The following DNAH8 variants were observed in gnomAD, a reference collection of about 807,000 sequenced individuals.
DNAH8 encodes dynein axonemal heavy chain 8, also known as axonemal beta dynein heavy chain 8.
DNAH8 carries 382 observed loss-of-function variants against 562.1 expected under a neutral mutation model. The ratio of observed to expected loss-of-function variants is 0.68; its 90% CI spans 0.63 to 0.74. The LOEUF is 0.74. Ranked by LOEUF, DNAH8 falls within the 30% of genes least tolerant of loss-of-function variation. DNAH8 has a pLI of 0.00. For missense variants in DNAH8, 5,203 were observed against 5,620.4 expected, an observed-to-expected ratio of 0.93 and a Z score of 2.37; for synonymous variants, 1,881 against 1,919.4, an observed-to-expected ratio of 0.98 and a Z score of 0.52.
chr6:38,733,974 T>TA lies in DNAH8; in HGVS notation c.611-486dup, dbSNP rs747665858. Among the ~76,000 whole-genome samples, 303 of 118,324 alleles carry TA rather than the reference T, an allele frequency of 2.6e-3. 1 individual carries two copies. Among genetic ancestry groups the TA allele is most frequent in the South Asian group, 3.3e-3 (12 of 3,692 alleles). The allele number at this position is 118,324 out of a possible 152,430, so 77.6% of individuals were successfully genotyped here. On this transcript the variant is annotated intron_variant, in intron 4 of 92. Transcript: ENST00000327475. ...ATTGGCCAGGCATAGTGGCTCCATC[T>TA]AAAAAAAAAAAAAATGATGCAATTA...
chr6:38,893,268 C>A (rs191627400), intron 58 of DNAH8, among the ~76,000 whole-genome samples: 2 of 152,294 alleles, frequency 1.3e-5, no homozygotes, highest in African/African-American at 4.8e-5. Context: ...CTCTTTTGAT[C>A]CATTCATGCC....
At chr6:38,802,668 G>A (rs142530296) in intron 21 of DNAH8, among the ~76,000 whole-genome samples, 4 of 152,092 alleles carry the variant, frequency 2.6e-5, no homozygotes, top group Non-Finnish European at 5.9e-5. Flanking sequence ...TGTGAAATGG[G>A]GACCATAATA....
chr6:38,834,647 A>G lies in DNAH8; in HGVS notation c.4365+6A>G. The G allele has an allele frequency of 6.2e-7, 1 of 1,604,200 alleles. No homozygotes were observed. The highest frequency in any genetic ancestry group is 2.2e-5 in the East Asian group (1 of 44,622). On this transcript the variant is annotated splice_donor_region_variant and intron_variant, in intron 32 of 92. Transcript: ENST00000327475. The stretch of plus-strand genomic sequence containing the variant: ...ACAGGCTACAGATATTTCAGGTGAA[A>G]CCACATTTTTTTTGTTACATCGACA...
In DNAH8 at chr6:38,924,162, T is replaced by A. The variant is rs1189420027; in HGVS notation, c.10962T>A (p.Thr3654=). The part of the protein sequence containing the change: ...NLISMLVDPP[T]IGEWGLQGLP... ...TTTCAATGTTGGTGGATCCTCCAAC[T>A]GTAAGTTTTACTTTCCCAATGTTAT... The change falls in exon 73 of 93, where the codon ACT becomes ACA. Residue 3654 remains threonine, a splice_region_variant and synonymous_variant. Coordinates refer to ENST00000327475, the MANE Select transcript of DNAH8 (RefSeq NM_001206927.2). 6.2e-7 allele frequency: 1 copy of A among 1,612,486 alleles called. No individual in the cohort carries two copies. The highest frequency in any genetic ancestry group is 8.5e-7 in the Non-Finnish European group (1 of 1,179,024).
At chr6:38,723,704 T>C (rs1333499680) in intron 3 of DNAH8, among the ~76,000 whole-genome samples, 2 of 151,914 alleles carry the variant, frequency 1.3e-5, no homozygotes, top group Non-Finnish European at 2.9e-5. Context: ...GCAAAACTCC[T>C]GTCTCTGCAA....
At chr6:38,915,982 T>C (rs184535626) in intron 68 of DNAH8, among the ~76,000 whole-genome samples, 1 of 152,260 alleles carries the variant, frequency 6.6e-6, no homozygotes, top group East Asian at 1.9e-4. Flanking sequence ...TATGTACATA[T>C]AGATGATCTG....
intron 56 of DNAH8, among the ~76,000 whole-genome samples, chr6:38,885,479 A>G (rs1467988681): frequency 6.6e-6 from 1 of 152,136 alleles, no homozygotes; most frequent in Non-Finnish European, 1.5e-5. Context: ...TCATCAACAA[A>G]TGAAAACAAG....
intron 1 of DNAH8, among the ~76,000 whole-genome samples, chr6:38,718,336 A>G (rs1342350254): frequency 6.6e-6 from 1 of 150,540 alleles, no homozygotes; most frequent in Non-Finnish European, 1.5e-5. Flanking sequence ...ATTCCTCTAT[A>G]TAAAGTAGTT....
chr6:39,010,947 T>C (rs1384010806), intron 89 of DNAH8, among the ~76,000 whole-genome samples: 2 of 151,826 alleles, frequency 1.3e-5, no homozygotes, highest in African/African-American at 2.4e-5. Context: ...GCTGCAAAAA[T>C]GTAGGCTCTA....
chr6:38,786,742 T>C (rs777712779), intron 17 of DNAH8, 23 bp from the exon 18 acceptor site: 7 of 1,604,486 alleles, frequency 4.4e-6, no homozygotes, highest in Non-Finnish European at 6.0e-6. Flanking sequence ...GAATGAGTAA[T>C]GTCAATCATT....
chr6:38,914,228 A>G (rs998479763), intron 67 of DNAH8, among the ~76,000 whole-genome samples: 2 of 150,908 alleles, frequency 1.3e-5, no homozygotes, highest in African/African-American at 4.9e-5. Flanking sequence ...CTGCTTGACT[A>G]TGAGTTATAT....
intron 88 of DNAH8, among the ~76,000 whole-genome samples, chr6:39,000,238 G>T (rs1451805660): frequency 2.6e-5 from 4 of 152,260 alleles, no homozygotes; most frequent in Admixed American, 2.6e-4. Flanking sequence ...ATGCTGATGA[G>T]GTACAATATG....
chr6:38,755,986 T>G lies in DNAH8; in HGVS notation c.1422T>G (p.His474Gln). Reference sequence around the variant, plus strand: ...TTCAATGTTAGGTTTCCATGGCACATGGAATACAAAATTTGATTAATGCCA... The same window carrying G: ...TTCAATGTTAGGTTTCCATGGCACAGGGAATACAAAATTTGATTAATGCCA... ...LYNHDLVSMA[H>Q]GIQNLINAIR... The change falls in exon 10 of 93, where the codon CAT becomes CAG. Residue 474 changes from histidine (H) to glutamine (Q), a missense_variant. Transcript: ENST00000327475. 1 of 1,603,618 alleles carries G rather than the reference T, an allele frequency of 6.2e-7. No homozygotes were observed.
chr6:39,007,907 C>G (rs114092542), intron 88 of DNAH8, among the ~76,000 whole-genome samples: 1 of 151,040 alleles, frequency 6.6e-6, no homozygotes, highest in Non-Finnish European at 1.5e-5. Flanking sequence ...CAAACACATA[C>G]ACACACACAG....
chr6:39,009,115 A>G (rs1018726913), intron 89 of DNAH8, 145 bp downstream of exon 89: 7 of 539,434 alleles, frequency 1.3e-5, no homozygotes, highest in Admixed American at 3.1e-5. Flanking sequence ...ATATTACTAA[A>G]CTCTGCATCT....
rs1437573392 is a variant in DNAH8 at position 38,737,129 on chromosome 6, G to A, written c.825G>A (p.Leu275=). ...TCTTAAATGGAATTAGGGATATGTT[G>A]GCAAATATATTTCTACCAGCTGTTC... ...KGLLNGIRDM[L]ANIFLPAVLA... is the part of the protein sequence containing the mutation. Residue 275 remains leucine, a synonymous_variant, in exon 6 of 93, where the codon TTG becomes TTA. Coordinates refer to ENST00000327475, the MANE Select transcript of DNAH8 (RefSeq NM_001206927.2). 2.5e-6 allele frequency: 4 copies of A among 1,586,178 alleles called. No individual in the cohort carries two copies. The highest frequency in any genetic ancestry group is 2.6e-6 in the Non-Finnish European group (3 of 1,168,358).
At chr6:39,017,292 G>A (rs1312341420) in intron 91 of DNAH8, among the ~76,000 whole-genome samples, 1 of 152,100 alleles carries the variant, frequency 6.6e-6, no homozygotes, top group Non-Finnish European at 1.5e-5. Context: ...TCAGTGCATC[G>A]TGTAACATGA....
chr6:38,973,963 C>T, intron 84 of DNAH8, 150 bp downstream of exon 84: 1 of 582,532 alleles, frequency 1.7e-6, no homozygotes, highest in East Asian at 3.0e-5. Context: ...TCATCAAAAT[C>T]TTGACATCAA....
intron 26 of DNAH8, among the ~76,000 whole-genome samples, chr6:38,815,979 T>C (rs979172609): frequency 1.3e-5 from 2 of 152,156 alleles, no homozygotes; most frequent in Non-Finnish European, 2.9e-5. Flanking sequence ...TATGATATGA[T>C]AGTGACCCAA....
Sources: gnomAD v4.1 joint callset for allele counts (sites outside exome capture counted in the v4.1 genomes callset) on GRCh38, gnomAD v4.1.1 for gene constraint, MANE v1.5 for transcripts, NCBI Gene and HGNC (gene_info 2026-07-23, HGNC 2026-07-21) for gene names.